Variants in ADAMTSL4 observed in about 807,000 individuals in gnomAD.
ADAMTSL4 encodes the protein ADAMTS like 4.
A neutral mutation model predicts 122.8 loss-of-function variants in ADAMTSL4; 97 were observed. The ratio of observed to expected loss-of-function variants is 0.79; its 90% CI spans 0.67 to 0.93. The LOEUF is 0.93. Among genes scored for constraint, ADAMTSL4 ranks in the 40% least tolerant of loss-of-function variants. ADAMTSL4 has a pLI of 0.00. For synonymous variants in ADAMTSL4, 592 were observed against 568.0 expected (o/e 1.04, Z -0.60); for missense variants, 1,408 against 1,453.5 (o/e 0.97, Z 0.51).
Position 150,555,548 on chromosome 1 carries a change from G to A in ADAMTSL4, c.1354G>A (p.Val452Met). 1 of 1,614,156 alleles carries A rather than the reference G, an allele frequency of 6.2e-7. No individual in the cohort carries two copies. The highest frequency in any genetic ancestry group is 8.5e-7 in the Non-Finnish European group (1 of 1,180,036). The change falls in exon 8 of 19, where the codon GTG becomes ATG. Residue 452 changes from valine (V) to methionine (M), a missense_variant. Physicochemically the swap from Val to Met is conservative, Grantham distance 21 (BLOSUM62 1). Transcript: ENST00000271643. ...LCQPGAPDIC[V>M]AGRCLSPGCD... ...TCAGCCTGGAGCCCCTGACATCTGTGTGGCTGGACGCTGTCTGGTGAGGGA... is the reference window on the plus strand; with the variant it reads ...TCAGCCTGGAGCCCCTGACATCTGTATGGCTGGACGCTGTCTGGTGAGGGA...
At chr1:150,555,286 C>A in intron 7 of ADAMTSL4, 143 bp from the exon 8 acceptor site, 1 of 1,076,994 alleles carries the variant, frequency 9.3e-7, no homozygotes, top group Non-Finnish European at 1.3e-6. Context: ...CTGCGCCCGG[C>A]CCTGACCACC....
Position 150,553,822 on chromosome 1 carries a change from A to G in ADAMTSL4, c.831A>G (p.Ala277=). 6.2e-7 allele frequency: 1 copy of G among 1,613,872 alleles called. No individual in the cohort carries two copies. Among genetic ancestry groups the G allele is most frequent in the Non-Finnish European group, 8.5e-7 (1 of 1,179,946 alleles). The part of the protein sequence containing the change: ...HSLGEGGFFR[A]SPQPRRPSSQ... ...TAGGAGAAGGTGGCTTCTTCCGTGCATCCCCTCAGCCACGAAGGCCAAGTT... is the reference window on the plus strand; with the variant it reads ...TAGGAGAAGGTGGCTTCTTCCGTGCGTCCCCTCAGCCACGAAGGCCAAGTT... The change falls in exon 6 of 19, where the codon GCA becomes GCG. Residue 277 remains alanine, a synonymous_variant. Transcript: ENST00000271643.
rs1178729204 is a variant in ADAMTSL4 at position 150,553,502 on chromosome 1, A to C, written c.511A>C (p.Asn171His). ...RVPFALPLHR[N>H]RRHPRSPPRS... ...GCCCTTTGCATTGCCACTGCACCGG[A>C]ACCGCAGGCACCCTCGGAGCCCACC... is the stretch of plus-strand genomic sequence containing the variant. Residue 171 changes from asparagine to histidine, a missense_variant, in exon 6 of 19, where the codon AAC becomes CAC. By Grantham distance (68) the Asn-to-His change is moderately conservative. Transcript: ENST00000271643. 1 of 1,613,876 alleles carries C rather than the reference A, an allele frequency of 6.2e-7. No individual in the cohort carries two copies. The highest frequency in any genetic ancestry group is 2.2e-5 in the East Asian group (1 of 44,840).
chr1:150,552,365 C>A lies in ADAMTSL4; in HGVS notation c.20+57C>A. ...GAAAAGGGGAGGTGCTGGGATGGCTCTGTGTCTGGAAGTGAGGGAAAGGGG... is the reference window on the plus strand; with the variant it reads ...GAAAAGGGGAGGTGCTGGGATGGCTATGTGTCTGGAAGTGAGGGAAAGGGG... On this transcript the variant is annotated intron_variant, in intron 3 of 18. Transcript: ENST00000271643. This position sits in a 1 kb window ranked among gnomAD's most constrained non-coding sequence, Gnocchi z 4.0. The A allele has an allele frequency of 6.5e-7, 1 of 1,545,080 alleles. No homozygotes were observed. The highest frequency in any genetic ancestry group is 8.8e-7 in the Non-Finnish European group (1 of 1,139,310).
intron 14 of ADAMTSL4, 156 bp from the exon 15 acceptor site, chr1:150,558,317 C>A (rs1672414260): frequency 6.6e-7 from 1 of 1,511,048 alleles, no homozygotes; most frequent in African/African-American, 1.4e-5. Context: ...GACTGGGGGC[C>A]CAGGGCCCTA....
At chr1:150,557,075 G>A in intron 11 of ADAMTSL4, 25 bp downstream of exon 11, 9 of 1,612,520 alleles carry the variant, frequency 5.6e-6, no homozygotes, top group Non-Finnish European at 7.6e-6. Flanking sequence ...CCTGCACTTG[G>A]AAGGAGGAGG....
rs754269973 is a variant in ADAMTSL4, at chr1:150,554,066, A to G, written c.1075A>G (p.Ser359Gly). Residue 359 changes from serine (S) to glycine (G), a missense_variant, in exon 6 of 19, where the codon AGC becomes GGC. By Grantham distance (56) the Ser-to-Gly change is moderately conservative. Transcript: ENST00000271643. The surrounding 1 kb of genome is among the most constrained non-coding windows in gnomAD (Gnocchi z 4.0). Reference protein sequence around the residue: ...SSLWSLFAPSSPIPRCSGESE... With the variant: ...SSLWSLFAPSGPIPRCSGESE... ...CCTCTGGAGCCTCTTTGCTCCCAGTAGCCCTATTCCAAGATGTTCTGGGGA... is the reference window on the plus strand; with the variant it reads ...CCTCTGGAGCCTCTTTGCTCCCAGTGGCCCTATTCCAAGATGTTCTGGGGA... The G allele has an allele frequency of 2.5e-6, 4 of 1,605,170 alleles. No homozygotes were observed. The highest frequency in any genetic ancestry group is 2.2e-5 in the East Asian group (1 of 44,872).
intron 8 of ADAMTSL4, 152 bp downstream of exon 8, chr1:150,555,717 A>C: frequency 1.8e-6 from 2 of 1,105,182 alleles, no homozygotes; most frequent in Non-Finnish European, 2.6e-6. Context: ...ACATGCACAC[A>C]CGCACACACA....
chr1:150,559,716 C>G lies in ADAMTSL4; in HGVS notation c.2944-45C>G, dbSNP rs1178147126. 1 of 1,613,106 alleles carries G rather than the reference C, an allele frequency of 6.2e-7. No individual in the cohort carries two copies. The highest frequency in any genetic ancestry group is 1.3e-5 in the African/African-American group (1 of 74,902). On this transcript the variant is annotated intron_variant, in intron 17 of 18. Coordinates refer to ENST00000271643, the MANE Select transcript of ADAMTSL4 (RefSeq NM_019032.6). This position sits in a 1 kb window ranked among gnomAD's most constrained non-coding sequence, Gnocchi z 4.1. ...GTGGCAGCCAGGGGTTAAGGAGAAT[C>G]CCGGGCCTGGCAAAGGTCTGATATG...
rs750478660 is a variant in ADAMTSL4 at position 150,554,966 on chromosome 1, G to A, written c.1235-463G>A. Among the ~76,000 whole-genome samples the A allele has an allele frequency of 6.0e-5, 9 of 151,234 alleles. No individual in the cohort carries two copies. The highest frequency in any genetic ancestry group is 1.2e-4 in the Non-Finnish European group (8 of 67,840). On this transcript the variant is annotated intron_variant, in intron 7 of 18. Transcript: ENST00000271643. This position sits in a 1 kb window ranked among gnomAD's most constrained non-coding sequence, Gnocchi z 4.0. ...AGTTCAGAGTCCCCTTGATGGTCTC[G>A]GTGACCTCAACTGACCTGACCACCT...
chr1:150,556,382 C>T lies in ADAMTSL4; in HGVS notation c.1576+16C>T. Reference sequence around the variant, plus strand: ...AACTACCTGGGTGAGCACCCAGCTGCCTCCCCTTCCACTTCCGTCTCTGTT... The same window carrying T: ...AACTACCTGGGTGAGCACCCAGCTGTCTCCCCTTCCACTTCCGTCTCTGTT... On this transcript the variant is annotated intron_variant, in intron 9 of 18. Coordinates refer to ENST00000271643, the MANE Select transcript of ADAMTSL4 (RefSeq NM_019032.6). This position sits in a 1 kb window ranked among gnomAD's most constrained non-coding sequence, Gnocchi z 4.1. 6.2e-7 allele frequency: 1 copy of T among 1,613,650 alleles called. No homozygotes were observed. Among genetic ancestry groups the T allele is most frequent in the Non-Finnish European group, 8.5e-7 (1 of 1,179,886 alleles).
In ADAMTSL4 at chr1:150,554,155, G is replaced by T; in HGVS notation, c.1131+33G>T. The T allele has an allele frequency of 2.5e-6, 4 of 1,595,266 alleles. No homozygotes were observed. The highest frequency in any genetic ancestry group is 2.2e-5 in the South Asian group (2 of 90,744). On this transcript the variant is annotated intron_variant, in intron 6 of 18. Transcript: ENST00000271643. This position sits in a 1 kb window ranked among gnomAD's most constrained non-coding sequence, Gnocchi z 4.0. ...TCCTCGGGCCTCCCCTCCCAACCCC[G>T]ACCTCCAGTGTGGCTTCCCTGCCCT...
chr1:150,559,148 A>G lies in ADAMTSL4; in HGVS notation c.2746A>G (p.Thr916Ala). Residue 916 changes from threonine to alanine, a missense_variant, in exon 16 of 19, where the codon ACA becomes GCA. Thr to Ala is a moderately conservative substitution (Grantham distance 58). Coordinates refer to ENST00000271643, the MANE Select transcript of ADAMTSL4 (RefSeq NM_019032.6). The surrounding 1 kb of genome is among the most constrained non-coding windows in gnomAD (Gnocchi z 4.1). ...CTGTGAGAGAACTTGGCGCTGGTACACAGGGCCCTGGGGTGAGGTAAGCTG... is the reference window on the plus strand; with the variant it reads ...CTGTGAGAGAACTTGGCGCTGGTACGCAGGGCCCTGGGGTGAGGTAAGCTG... ...GPCERTWRWY[T>A]GPWGECSSEC... The G allele has an allele frequency of 6.2e-7, 1 of 1,612,606 alleles. No individual in the cohort carries two copies. Among genetic ancestry groups the G allele is most frequent in the Non-Finnish European group, 8.5e-7 (1 of 1,179,770 alleles).
chr1:150,555,024 C>T (rs1479868496), intron 7 of ADAMTSL4, among the ~76,000 whole-genome samples: 1 of 149,930 alleles, frequency 6.7e-6, no homozygotes, highest in Non-Finnish European at 1.5e-5. Context: ...GAGTCTCACT[C>T]TGTCACCCAG....
In ADAMTSL4 at chr1:150,556,913, TATTC is replaced by T; in HGVS notation, c.1750-22_1750-19del. ...GCATCCTCTTCTGGCCACCCCCACA[TATTC>T]ATTATCTTCTCTTCTCCCCAGATGA... On this transcript the variant is annotated intron_variant, in intron 10 of 18. Transcript: ENST00000271643. The surrounding 1 kb of genome is among the most constrained non-coding windows in gnomAD (Gnocchi z 4.1). The T allele has an allele frequency of 6.2e-7, 1 of 1,610,980 alleles. No individual in the cohort carries two copies. Among genetic ancestry groups the T allele is most frequent in the Non-Finnish European group, 8.5e-7 (1 of 1,177,224 alleles).
rs780948857 is a variant in ADAMTSL4 at position 150,552,330 on chromosome 1, TG to T, written c.20+29del. 3.2e-5 allele frequency: 50 copies of T among 1,552,746 alleles called. No homozygotes were observed. Among genetic ancestry groups the T allele is most frequent in the Non-Finnish European group, 4.1e-5 (47 of 1,147,018 alleles). ...GCAGGTGAGAGAAGGGGCCACGGGT[TG>T]GGGGGGAGGAAAAGGGGAGGTGCTG... is the stretch of plus-strand genomic sequence containing the variant. On this transcript the variant is annotated intron_variant, in intron 3 of 18. Transcript: ENST00000271643. The surrounding 1 kb of genome is among the most constrained non-coding windows in gnomAD (Gnocchi z 4.0).
chr1:150,557,419 C>T lies in ADAMTSL4; in HGVS notation c.2048-75C>T, dbSNP rs903006328. On this transcript the variant is annotated intron_variant, in intron 12 of 18. Coordinates refer to ENST00000271643, the MANE Select transcript of ADAMTSL4 (RefSeq NM_019032.6). ...GCATCCTGGATTGTGGGGCCACGCC[C>T]GACCCTGCGTCTGGGACACCACTGA... 129 of 1,608,400 alleles carry T rather than the reference C, an allele frequency of 8.0e-5. 1 individual carries two copies. Among genetic ancestry groups the T allele is most frequent in the Non-Finnish European group, 1.0e-4 (119 of 1,177,914 alleles).
rs1671178627 is a variant in ADAMTSL4 at position 150,549,454 on chromosome 1, CCT to C, written c.-203_-202del. On this transcript the variant is annotated 5_prime_UTR_variant, in exon 1 of 19. Coordinates refer to ENST00000271643, the MANE Select transcript of ADAMTSL4 (RefSeq NM_019032.6). The surrounding 1 kb of genome is among the most constrained non-coding windows in gnomAD (Gnocchi z 5.0). The stretch of plus-strand genomic sequence containing the variant: ...GGAGCGAGGTTGCCTGGAGAGAGCG[CCT>C]GGGCGCAGAAGGGTTAACGGGCCAC... 6.6e-6 allele frequency: 1 copy of C among 152,258 alleles called. No individual in the cohort carries two copies. The highest frequency in any genetic ancestry group is 1.5e-5 in the Non-Finnish European group (1 of 67,980). The allele number at this position is 152,258 out of a possible 1,614,324, so 9.4% of individuals were successfully genotyped here. A position where few individuals can be genotyped will look rare whatever the true frequency, so the allele number is the denominator to read the frequency against.
intron 2 of ADAMTSL4, chr1:150,551,187 GCATGAGGCAGCCCCGGCTGCA>G (rs1184795464): frequency 2.8e-6 from 1 of 358,580 alleles, no homozygotes; most frequent in East Asian, 7.4e-5. Context: ...TGTGGCTGGG[GCATGAGGCAGCCCCGGCTGCA>G]CCTCTCCTTC....
Sources: allele counts gnomAD v4.1 joint callset (sites outside exome capture counted in the v4.1 genomes callset), GRCh38; gene constraint gnomAD v4.1.1; non-coding constraint Gnocchi (gnomAD v3.1); transcripts MANE v1.5; gene names NCBI Gene and HGNC (gene_info 2026-07-23, HGNC 2026-07-21).